Variants in STK33 observed in about 807,000 individuals in gnomAD.
STK33 encodes the protein serine/threonine-protein kinase 33.
STK33 carries 52 observed loss-of-function variants against 58.0 expected under a neutral mutation model. The observed-to-expected ratio is 0.90, with a 90% CI of 0.72 to 1.13. The LOEUF (loss-of-function observed/expected upper bound fraction) is 1.13, where lower values mean the gene tolerates loss of function less well. Among genes scored for constraint, STK33 ranks in the 50% most tolerant of loss-of-function variants. The probability of loss-of-function intolerance (pLI) is 0.00; values close to 1 mark genes in which losing one functional copy is unlikely to be tolerated. For missense variants in STK33, 630 were observed against 604.2 expected (o/e 1.04, Z -0.45); for synonymous variants, 215 against 200.1 (o/e 1.07, Z -0.63).
At chr11:8,505,232 T>C (rs1951786635) in intron 1 of STK33, among the ~76,000 whole-genome samples, 1 of 152,210 alleles carries the variant, frequency 6.6e-6, no homozygotes, top group Admixed American at 6.5e-5. Flanking sequence ...ATATGCCTGA[T>C]ATATAAGCTA....
At chr11:8,556,983 T>C (rs9704586) in intron 1 of STK33, among the ~76,000 whole-genome samples, 4 of 151,330 alleles carry the variant, frequency 2.6e-5, no homozygotes, top group African/African-American at 9.7e-5. Flanking sequence ...AGGCATGGTG[T>C]CTCATGCCTG....
Position 8,463,084 on chromosome 11 carries a change from C to A in STK33, c.454-1175G>T, listed in dbSNP as rs368113715. On this transcript the variant is annotated intron_variant, in intron 7 of 15. Coordinates refer to ENST00000687296, the MANE Select transcript of STK33 (RefSeq NM_001352389.2). ...CTTCCAATTACCTTTGCTCCTCAAC[C>A]TTTAGCATCTCAGGAGTGGGTGGGA... 1.4e-4 allele frequency among the ~76,000 whole-genome samples: 21 copies of A among 152,248 alleles called. 1 individual carries two copies. In the South Asian group the frequency reaches 2.3e-3, roughly 17 times the overall value.
the STK33 span, among the ~76,000 whole-genome samples, chr11:8,362,425 C>T: frequency 6.6e-6 from 1 of 152,192 alleles, no homozygotes; most frequent in Non-Finnish European, 1.5e-5. Context: ...CTAATGCCCA[C>T]ACACGGCTCC....
At chr11:8,452,797 A>T in intron 11 of STK33, 25 bp downstream of exon 11, 1 of 1,605,444 alleles carries the variant, frequency 6.2e-7, no homozygotes, top group Non-Finnish European at 8.5e-7. Context: ...CAAAACAAAA[A>T]TTAATTTTAA....
chr11:8,431,593 C>T (rs1333782389), intron 14 of STK33, among the ~76,000 whole-genome samples: 1 of 152,084 alleles, frequency 6.6e-6, no homozygotes, highest in African/African-American at 2.4e-5. Context: ...CATCTTTGTA[C>T]CCCTCTAGTA....
rs140190059 is a variant in STK33 at position 8,580,627 on chromosome 11, G to A, written c.-466+13456C>T. 1.1e-3 allele frequency among the ~76,000 whole-genome samples: 169 copies of A among 152,080 alleles called. 3 individuals are homozygous for A. In the East Asian group the frequency reaches 0.032, roughly 29 times the overall value. ...TTTAAATAACTTAAAGAGTATAAAT[G>A]GATTATTTGTAACACAAAGGATAAA... On this transcript the variant is annotated intron_variant, in intron 1 of 15. Coordinates refer to ENST00000687296, the MANE Select transcript of STK33 (RefSeq NM_001352389.2).
chr11:8,466,595 G>A (rs1948212128), intron 6 of STK33: 2 of 152,342 alleles, frequency 1.3e-5, no homozygotes, highest in East Asian at 1.9e-4. Flanking sequence ...TTCACAGGCT[G>A]ACATTAAGTG....
intron 1 of STK33, among the ~76,000 whole-genome samples, chr11:8,505,770 G>C (rs1443526095): frequency 6.6e-6 from 1 of 152,162 alleles, no homozygotes. Context: ...CTATAAATGT[G>C]AACAAATGAA....
At chr11:8,548,293 G>C (rs769151010) in intron 1 of STK33, among the ~76,000 whole-genome samples, 1 of 152,112 alleles carries the variant, frequency 6.6e-6, no homozygotes, top group Non-Finnish European at 1.5e-5. Context: ...TATATGGTGA[G>C]AGATAGGGAT....
At chr11:8,519,160 A>G (rs1227869356) in intron 1 of STK33, among the ~76,000 whole-genome samples, 1 of 152,014 alleles carries the variant, frequency 6.6e-6, no homozygotes, top group African/African-American at 2.4e-5. Context: ...CACAGTGCAA[A>G]CAAACTAGAA....
At chr11:8,445,275 T>A (rs548457493) in intron 11 of STK33, among the ~76,000 whole-genome samples, 65 of 152,324 alleles carry the variant, frequency 4.3e-4, no homozygotes, top group African/African-American at 1.5e-3. Flanking sequence ...TAAGGAGATT[T>A]GGGACTGAGA....
intron 1 of STK33, among the ~76,000 whole-genome samples, chr11:8,567,648 C>A (rs904462230): frequency 6.6e-6 from 1 of 152,130 alleles, no homozygotes; most frequent in Non-Finnish European, 1.5e-5. Flanking sequence ...ACCTGGGTAA[C>A]CTTTTGTAGG....
At chr11:8,457,084 G>T (rs1946947081) in intron 9 of STK33, among the ~76,000 whole-genome samples, 1 of 152,036 alleles carries the variant, frequency 6.6e-6, no homozygotes, top group African/African-American at 2.4e-5. Context: ...CCATTGATTT[G>T]TCTACTTTTG....
At chr11:8,374,544 A>G in the STK33 span, among the ~76,000 whole-genome samples, 1 of 152,140 alleles carries the variant, frequency 6.6e-6, no homozygotes, top group East Asian at 1.9e-4. Context: ...AGAGAGAGAG[A>G]AGGATAGATC....
Position 8,523,425 on chromosome 11 carries a change from G to C in STK33, c.-465-42811C>G, listed in dbSNP as rs528399868. Among the ~76,000 whole-genome samples the C allele has an allele frequency of 1.8e-3, 266 of 151,904 alleles. 1 individual carries two copies. Among genetic ancestry groups the C allele is most frequent in the Admixed American group, 2.4e-3 (37 of 15,278 alleles). Reference sequence around the variant, plus strand: ...AGCCGCAACCCCGTCTGGGAGGTGAGGAGCGTCTCTGCCCGGCCGCCCCGT... The same window carrying C: ...AGCCGCAACCCCGTCTGGGAGGTGACGAGCGTCTCTGCCCGGCCGCCCCGT... On this transcript the variant is annotated intron_variant, in intron 1 of 15. Coordinates refer to ENST00000687296, the MANE Select transcript of STK33 (RefSeq NM_001352389.2).
chr11:8,529,549 G>A (rs1303346563), intron 1 of STK33, among the ~76,000 whole-genome samples: 2 of 152,058 alleles, frequency 1.3e-5, no homozygotes, highest in Non-Finnish European at 1.5e-5. Flanking sequence ...TCTGACCCTG[G>A]GAATATGTTT....
chr11:8,499,199 T>C (rs1951308524), intron 1 of STK33, among the ~76,000 whole-genome samples: 2 of 152,156 alleles, frequency 1.3e-5, no homozygotes, highest in African/African-American at 4.8e-5. Context: ...AAAGGGCTAA[T>C]ATCTAGAATC....
chr11:8,510,235 C>T (rs1287474851), intron 1 of STK33, among the ~76,000 whole-genome samples: 4 of 152,242 alleles, frequency 2.6e-5, no homozygotes, highest in East Asian at 1.9e-4. Context: ...TTTTAATTTG[C>T]GTTTCCCTGA....
chr11:8,432,104 G>A (rs1294591912), intron 14 of STK33, among the ~76,000 whole-genome samples: 7 of 152,182 alleles, frequency 4.6e-5, no homozygotes, highest in Admixed American at 3.3e-4. Context: ...GCACACGTGC[G>A]TGTACACACA....
Sources: gnomAD v4.1 joint callset for allele counts (sites outside exome capture counted in the v4.1 genomes callset) on GRCh38, gnomAD v4.1.1 for gene constraint, MANE v1.5 for transcripts, NCBI Gene and HGNC (gene_info 2026-07-23, HGNC 2026-07-21) for gene names.